The following DCAF7 variants were observed in gnomAD, a reference collection of about 807,000 sequenced individuals.
DCAF7 encodes the protein DDB1 and CUL4 associated factor 7.
DCAF7 carries 4 observed loss-of-function variants against 41.2 expected under a neutral mutation model. The ratio of observed to expected loss-of-function variants is 0.10; its 90% CI spans 0.05 to 0.22. The LOEUF is 0.22. Among genes scored for constraint, DCAF7 ranks in the 10% least tolerant of loss-of-function variants. DCAF7 has a pLI of 1.00. For missense variants in DCAF7, 131 were observed against 443.2 expected (o/e 0.30, Z 6.32); for synonymous variants, 143 against 164.2 (o/e 0.87, Z 0.99).
chr17:63,580,642 C>T (rs536819682), intron 4 of DCAF7, among the ~76,000 whole-genome samples: 3 of 151,546 alleles, frequency 2.0e-5, no homozygotes, highest in Admixed American at 6.6e-5. Context: ...CCTCAGCTTC[C>T]GGAGTAGCTG....
At chr17:63,567,772 A>T (rs1165827189) in intron 1 of DCAF7, among the ~76,000 whole-genome samples, 1 of 150,576 alleles carries the variant, frequency 6.6e-6, no homozygotes, top group Non-Finnish European at 1.5e-5. Flanking sequence ...TGGTCCTCCC[A>T]TCTCAGCCTC....
At position 63,551,891 on chromosome 17, in the gene DCAF7, C is replaced by CAAAAAAAAAAAAAAAAA. The variant is rs529811578; in HGVS notation, c.138+1100_138+1116dup. Among the ~76,000 whole-genome samples the CAAAAAAAAAAAAAAAAA allele has an allele frequency of 4.4e-4, 12 of 27,296 alleles. 3 individuals are homozygous for CAAAAAAAAAAAAAAAAA. The highest frequency in any genetic ancestry group is 7.2e-4 in the Non-Finnish European group (9 of 12,476). The allele number at this position is 27,296 out of a possible 152,430, so 17.9% of individuals were successfully genotyped here. A position where few individuals can be genotyped will look rare whatever the true frequency, so the allele number is the denominator to read the frequency against. ...GTGAAACCCCGTCTCTACTAAAATA[C>CAAAAAAAAAAAAAAAAA]AAAAAAAAAAAAAAAAAAAAAAAAA... On this transcript the variant is annotated intron_variant, in intron 1 of 6. Coordinates refer to ENST00000614556, the MANE Select transcript of DCAF7 (RefSeq NM_005828.5).
intron 1 of DCAF7, chr17:63,552,622 C>T (rs1047475717): frequency 6.6e-6 from 1 of 152,196 alleles, no homozygotes; most frequent in African/African-American, 2.4e-5. Context: ...AAAAGTATGT[C>T]TTTCAAAGGG....
chr17:63,588,921 G>T, intron 6 of DCAF7, 79 bp from the exon 7 acceptor site: 1 of 1,460,940 alleles, frequency 6.8e-7, no homozygotes, highest in South Asian at 1.4e-5. Context: ...TGTAAACTGT[G>T]ACTTGCTCCT....
chr17:63,581,597 C>T (rs554863603), intron 4 of DCAF7, among the ~76,000 whole-genome samples: 1 of 152,312 alleles, frequency 6.6e-6, no homozygotes, highest in African/African-American at 2.4e-5. Flanking sequence ...ATGGCTGAAC[C>T]AGCCAGAAGC....
At chr17:63,570,058 C>T (rs1232143333) in intron 1 of DCAF7, among the ~76,000 whole-genome samples, 2 of 152,110 alleles carry the variant, frequency 1.3e-5, no homozygotes, top group African/African-American at 4.8e-5. Context: ...CTGGGAAGCA[C>T]CAGCTATGTC....
intron 1 of DCAF7, among the ~76,000 whole-genome samples, chr17:63,568,369 C>T (rs1477433727): frequency 6.6e-6 from 1 of 152,110 alleles, no homozygotes. Flanking sequence ...AGAAGCTTTG[C>T]ATTTTATTCG....
At chr17:63,570,558 G>A (rs1421547712) in intron 1 of DCAF7, among the ~76,000 whole-genome samples, 1 of 152,218 alleles carries the variant, frequency 6.6e-6, no homozygotes, top group Admixed American at 6.5e-5. Context: ...CTCTTCCCTT[G>A]TGAGGGAGGG....
intron 1 of DCAF7, 93 bp from the exon 2 acceptor site, chr17:63,578,376 CA>C: frequency 2.6e-6 from 4 of 1,552,244 alleles, no homozygotes; most frequent in Non-Finnish European, 3.5e-6. Flanking sequence ...AAACAAAAAA[CA>C]AACAAAAAAA....
chr17:63,582,254 T>A lies in DCAF7; in HGVS notation c.529-1248T>A, dbSNP rs534378701. Reference sequence around the variant, plus strand: ...CTTCATAGCCAGAAAAAAAAGGAATTCGTGAGGTTAAATAGCAATAGATGC... The same window carrying A: ...CTTCATAGCCAGAAAAAAAAGGAATACGTGAGGTTAAATAGCAATAGATGC... On this transcript the variant is annotated intron_variant, in intron 4 of 6. Coordinates refer to ENST00000614556, the MANE Select transcript of DCAF7 (RefSeq NM_005828.5). Among the ~76,000 whole-genome samples the A allele has an allele frequency of 1.1e-4, 17 of 152,236 alleles. No homozygotes were observed. In the South Asian group the frequency reaches 2.7e-3, roughly 24 times the overall value.
chr17:63,586,125 CAAAAAAAA>C lies in DCAF7; in HGVS notation c.856+814_856+821del, dbSNP rs545840925. ...GGGCAACAGAGCAAGACTCTGTCTC[CAAAAAAAA>C]AAAAAAAAAAAAAAAAGTACCCCTT... On this transcript the variant is annotated intron_variant, in intron 6 of 6. Transcript: ENST00000614556. Among the ~76,000 whole-genome samples, 16 of 58,458 alleles carry C rather than the reference CAAAAAAAA, an allele frequency of 2.7e-4. No homozygotes were observed. In the South Asian group the frequency reaches 0.01, roughly 37 times the overall value. 38.4% of individuals were successfully genotyped at this position (58,458 alleles called of 152,430 possible).
intron 1 of DCAF7, among the ~76,000 whole-genome samples, chr17:63,563,846 T>TA (rs2033409819): frequency 7.0e-6 from 1 of 142,366 alleles, no homozygotes; most frequent in Non-Finnish European, 1.5e-5. Flanking sequence ...AATAAATAAA[T>TA]AATAAAAATA....
intron 1 of DCAF7, among the ~76,000 whole-genome samples, chr17:63,559,884 T>G (rs1363238037): frequency 2.0e-5 from 3 of 151,992 alleles, no homozygotes; most frequent in Non-Finnish European, 4.4e-5. Context: ...AGAATCTTGG[T>G]GTGAGAAAGC....
At chr17:63,573,119 T>TTTGTTG (rs58216728) in intron 1 of DCAF7, 20 of 151,972 alleles carry the variant, frequency 1.3e-4, no homozygotes, top group African/African-American at 4.9e-4. Flanking sequence ...CTTTCATGTT[T>TTTGTTG]TTGTTGTTGT....
rs960452107 is a variant in DCAF7 at position 63,589,524 on chromosome 17, C to T, written c.*352C>T. On this transcript the variant is annotated 3_prime_UTR_variant, in exon 7 of 7. Transcript: ENST00000614556. ...TGTCTATTCCTCTGCCCAGGTGTCT[C>T]TGTTTGCTGCCCAAGGCAGCAGTTC... 13 of 338,208 alleles carry T rather than the reference C, an allele frequency of 3.8e-5. No homozygotes were observed. The highest frequency in any genetic ancestry group is 6.9e-5 in the Non-Finnish European group (12 of 173,398). The allele number at this position is 338,208 out of a possible 1,614,324, so 21.0% of individuals were successfully genotyped here.
rs869165935 is a variant in DCAF7, at chr17:63,582,471, CT to C, written c.529-1018del. Among the ~76,000 whole-genome samples, 143 of 145,184 alleles carry C rather than the reference CT, an allele frequency of 9.8e-4. 1 individual carries two copies. The highest frequency in any genetic ancestry group is 1.9e-3 in the Admixed American group (28 of 14,508). On this transcript the variant is annotated intron_variant, in intron 4 of 6. Coordinates refer to ENST00000614556, the MANE Select transcript of DCAF7 (RefSeq NM_005828.5). Reference sequence around the variant, plus strand: ...CTCTCTCTTCGTCCCTCTTCGTCCTCTTTTTTTTTTTTTCTTTAAGACAGAG... The same window carrying C: ...CTCTCTCTTCGTCCCTCTTCGTCCTCTTTTTTTTTTTTCTTTAAGACAGAG...
At chr17:63,580,046 A>T (rs751329662) in intron 4 of DCAF7, 103 bp downstream of exon 4, 142 of 817,094 alleles carry the variant, frequency 1.7e-4, no homozygotes, top group Non-Finnish European at 2.6e-4. Flanking sequence ...TATGTAGAAA[A>T]TCATAACATA....
intron 1 of DCAF7, among the ~76,000 whole-genome samples, chr17:63,566,094 C>T (rs1380928838): frequency 6.6e-6 from 1 of 151,934 alleles, no homozygotes; most frequent in Non-Finnish European, 1.5e-5. Flanking sequence ...GAGTGAGACT[C>T]TGTCTCAAAA....
intron 5 of DCAF7, 61 bp downstream of exon 5, chr17:63,583,772 T>G: frequency 6.5e-7 from 1 of 1,537,088 alleles, no homozygotes; most frequent in Non-Finnish European, 8.9e-7. Flanking sequence ...TTAGTATATC[T>G]AGAAGGCTGG....
Sources: gnomAD v4.1 joint callset for allele counts (sites outside exome capture counted in the v4.1 genomes callset) on GRCh38, gnomAD v4.1.1 for gene constraint, MANE v1.5 for transcripts, NCBI Gene and HGNC (gene_info 2026-07-23, HGNC 2026-07-21) for gene names.